UPP2: variants seen among roughly 807,000 people sequenced by gnomAD.
The protein encoded by UPP2 is uridine phosphorylase 2.
Under a neutral mutation model 26.7 loss-of-function variants are expected in UPP2, and 23 were observed. That is an observed-to-expected ratio of 0.86 (90% confidence interval 0.62 to 1.22). The LOEUF (loss-of-function observed/expected upper bound fraction) is 1.22. Ranked by LOEUF, UPP2 falls within the 50% of genes most tolerant of loss-of-function variation. The probability of loss-of-function intolerance (pLI) is 0.00; values close to 1 mark genes in which losing one functional copy is unlikely to be tolerated. For missense variants in UPP2, 387 were observed against 396.7 expected (o/e 0.98, Z 0.21); for synonymous variants, 127 against 141.3 (o/e 0.90, Z 0.72).
intron 3 of UPP2, among the ~76,000 whole-genome samples, chr2:158,029,588 A>T (rs1003292351): frequency 6.6e-6 from 1 of 152,188 alleles, no homozygotes; most frequent in Non-Finnish European, 1.5e-5. Flanking sequence ...CCAAACTGGG[A>T]CACTTTTGAG....
chr2:158,028,831 A>G (rs1352410450), intron 3 of UPP2, among the ~76,000 whole-genome samples: 1 of 152,234 alleles, frequency 6.6e-6, no homozygotes, highest in Non-Finnish European at 1.5e-5. Context: ...GCAAAAGCAG[A>G]GACCCCCTGA....
intron 3 of UPP2, among the ~76,000 whole-genome samples, chr2:158,052,559 A>C (rs567354964): frequency 6.6e-6 from 1 of 152,302 alleles, no homozygotes; most frequent in South Asian, 2.1e-4. Flanking sequence ...TGAATGACTG[A>C]ATTGGGAGAA....
intron 3 of UPP2, among the ~76,000 whole-genome samples, chr2:158,086,315 T>G (rs1682813549): frequency 6.6e-6 from 1 of 152,150 alleles, no homozygotes; most frequent in African/African-American, 2.4e-5. Flanking sequence ...ATCTTTTGTA[T>G]TTCTGTGGTA....
intron 3 of UPP2, among the ~76,000 whole-genome samples, chr2:158,115,990 G>A (rs1016695802): frequency 1.9e-4 from 29 of 152,194 alleles, no homozygotes; most frequent in African/African-American, 7.0e-4. Context: ...CAGGGGACAG[G>A]GGAAGAGTCT....
intron 2 of UPP2, among the ~76,000 whole-genome samples, chr2:157,997,982 G>A (rs1160315204): frequency 6.6e-6 from 1 of 152,204 alleles, no homozygotes; most frequent in Non-Finnish European, 1.5e-5. Context: ...TATAGCAACA[G>A]AAACCTGGGG....
rs1683732911 is a variant in UPP2 at position 158,020,509 on chromosome 2, T to G, written c.147+4623T>G. On this transcript the variant is annotated intron_variant, in intron 3 of 9. Coordinates refer to the UPP2 transcript ENST00000605860. ...CAAAAAGGAGAAATTGATCTTCTCC[T>G]AGTTCCCCAGGATGCTCCCAAGCAC... 2.0e-5 allele frequency among the ~76,000 whole-genome samples: 3 copies of G among 152,190 alleles called. No individual in the cohort carries two copies. The South Asian group carries it at 6.2e-4, about 32-fold the overall frequency.
intron 3 of UPP2, chr2:158,065,998 T>C (rs754472717): frequency 1.6e-5 from 6 of 384,280 alleles, no homozygotes; most frequent in Non-Finnish European, 2.9e-5. Context: ...TTTGGAGAAG[T>C]ATCATCCTTA....
At chr2:158,001,787 C>T (rs1042907366) in intron 2 of UPP2, among the ~76,000 whole-genome samples, 1 of 151,996 alleles carries the variant, frequency 6.6e-6, no homozygotes, top group Non-Finnish European at 1.5e-5. Context: ...GGGAAGATTG[C>T]TAGCCATAGT....
intron 3 of UPP2, among the ~76,000 whole-genome samples, chr2:158,076,200 G>T (rs1197368877): frequency 6.6e-6 from 1 of 151,882 alleles, no homozygotes; most frequent in African/African-American, 2.4e-5. Flanking sequence ...ATAAAGAAAA[G>T]CCCAGGACCC....
intron 6 of UPP2, among the ~76,000 whole-genome samples, chr2:158,130,990 C>G (rs1389894622): frequency 1.3e-5 from 2 of 152,158 alleles, no homozygotes; most frequent in Non-Finnish European, 2.9e-5. Context: ...AAATTTTCCC[C>G]ACCTTGTTTT....
rs118050371 is a variant in UPP2 at position 158,048,448 on chromosome 2, A to C, written c.147+32562A>C. Among the ~76,000 whole-genome samples, 36 of 152,326 alleles carry C rather than the reference A, an allele frequency of 2.4e-4. No individual in the cohort carries two copies. In the East Asian group the frequency reaches 7.0e-3, roughly 29 times the overall value. On this transcript the variant is annotated intron_variant, in intron 3 of 9. Transcript: ENST00000605860. ...TAGTGACACCCCATCTCTACCAAAAAATAAAATTACCCAGGCATGGTGCCA... is the reference window on the plus strand; with the variant it reads ...TAGTGACACCCCATCTCTACCAAAACATAAAATTACCCAGGCATGGTGCCA...
chr2:157,995,849 G>T (rs1423993622), intron 2 of UPP2, among the ~76,000 whole-genome samples: 1 of 151,766 alleles, frequency 6.6e-6, no homozygotes, highest in Non-Finnish European at 1.5e-5. Context: ...TCATTTAAAT[G>T]ATTTCCTGTG....
intron 2 of UPP2, among the ~76,000 whole-genome samples, chr2:158,015,469 G>C (rs754534710): frequency 6.6e-6 from 1 of 152,032 alleles, no homozygotes; most frequent in Non-Finnish European, 1.5e-5. Context: ...GCCACATTTT[G>C]TTTATCTATT....
At chr2:158,038,253 A>C (rs963167637) in intron 3 of UPP2, among the ~76,000 whole-genome samples, 5 of 152,232 alleles carry the variant, frequency 3.3e-5, no homozygotes, top group African/African-American at 9.6e-5. Flanking sequence ...CAGATGTTTT[A>C]AATGGCTTTC....
At chr2:158,012,293 G>A (rs1028428428) in intron 2 of UPP2, among the ~76,000 whole-genome samples, 6 of 118,730 alleles carry the variant, frequency 5.1e-5, no homozygotes, top group Admixed American at 3.3e-4. Context: ...TTTTTTGAGA[G>A]GGGGTCTCCA....
In UPP2 at chr2:158,085,076, T is replaced by C. The variant is rs1682792060; in HGVS notation, c.148-16964T>C. On this transcript the variant is annotated intron_variant, in intron 3 of 9. Transcript: ENST00000605860. ...GAATTGCAATGAGTTTGAAGATTGC[T>C]TTTGGCAGTTGGTTATTTTTACATT... is the stretch of plus-strand genomic sequence containing the variant. Among the ~76,000 whole-genome samples the C allele has an allele frequency of 4.6e-5, 7 of 152,162 alleles. 1 individual carries two copies. The South Asian group carries it at 1.4e-3, about 31-fold the overall frequency.
At chr2:158,128,721 T>C (rs977623035) in intron 6 of UPP2, among the ~76,000 whole-genome samples, 3 of 152,136 alleles carry the variant, frequency 2.0e-5, no homozygotes, top group Admixed American at 6.5e-5. Flanking sequence ...AACATGTTCA[T>C]AGTCTCTGGA....
intron 3 of UPP2, among the ~76,000 whole-genome samples, chr2:158,020,104 A>G (rs1683725404): frequency 6.6e-6 from 1 of 152,220 alleles, no homozygotes; most frequent in African/African-American, 2.4e-5. Context: ...TTAATGCATT[A>G]AACAAGGCCT....
chr2:158,091,910 C>T (rs532010754), intron 3 of UPP2, among the ~76,000 whole-genome samples: 7 of 152,258 alleles, frequency 4.6e-5, no homozygotes, highest in African/African-American at 1.7e-4. Context: ...CAATGTTACC[C>T]AGTTTATGGT....
Sources: allele counts gnomAD v4.1 joint callset (sites outside exome capture counted in the v4.1 genomes callset), GRCh38; gene constraint gnomAD v4.1.1; transcripts MANE v1.5; gene names NCBI Gene and HGNC (gene_info 2026-07-23, HGNC 2026-07-21).